AKAP13: variants seen among roughly 807,000 people sequenced by gnomAD.
AKAP13 encodes the protein A-kinase anchor protein 13.
A neutral mutation model predicts 264.5 loss-of-function variants in AKAP13; 80 were observed. The observed-to-expected ratio is 0.30, with a 90% CI of 0.25 to 0.36. AKAP13 has a LOEUF of 0.36. AKAP13 is among the 10% of genes least tolerant of loss of function. The probability of loss-of-function intolerance (pLI) is 1.00; values close to 1 mark genes in which losing one functional copy is unlikely to be tolerated. For missense variants in AKAP13, 3,712 were observed against 3,435.2 expected, an observed-to-expected ratio of 1.08 and a Z score of -2.01; for synonymous variants, 1,380 against 1,250.2, an observed-to-expected ratio of 1.10 and a Z score of -2.19.
At chr15:85,686,340 A>G (rs1043502066) in intron 16 of AKAP13, among the ~76,000 whole-genome samples, 13 of 152,222 alleles carry the variant, frequency 8.5e-5, no homozygotes, top group African/African-American at 3.1e-4. Flanking sequence ...AACAAGGTGC[A>G]CTAAGCTTCT....
At chr15:85,619,570 A>G (rs2081084023) in intron 8 of AKAP13, 1 of 985,460 alleles carries the variant, frequency 1.0e-6, no homozygotes, top group Non-Finnish European at 1.2e-6. Context: ...AAGCAAGAAC[A>G]GAATCTAATG....
chr15:85,494,803 A>G (rs1191871277), intron 2 of AKAP13, among the ~76,000 whole-genome samples: 6 of 152,214 alleles, frequency 3.9e-5, no homozygotes, highest in South Asian at 2.1e-4. Flanking sequence ...TTTGAATTTA[A>G]TACTCAAAGT....
intron 8 of AKAP13, chr15:85,619,839 C>A (rs1185229771): frequency 1.5e-6 from 2 of 1,338,650 alleles, no homozygotes; most frequent in Admixed American, 6.6e-5. Flanking sequence ...ATTATGAGTT[C>A]TACATTCATC....
chr15:85,506,397 C>A (rs553189607), intron 2 of AKAP13, among the ~76,000 whole-genome samples: 1 of 152,134 alleles, frequency 6.6e-6, no homozygotes, highest in South Asian at 2.1e-4. Context: ...TACCTTTAGG[C>A]AATGATGTAG....
At chr15:85,392,147 TC>T (rs1040626104) in intron 1 of AKAP13, among the ~76,000 whole-genome samples, 4 of 151,968 alleles carry the variant, frequency 2.6e-5, no homozygotes, top group Non-Finnish European at 5.9e-5. Context: ...TTGGTGAGTT[TC>T]TAGGGTAGTG....
chr15:85,548,041 A>C (rs1324757535), intron 5 of AKAP13, among the ~76,000 whole-genome samples: 1 of 152,208 alleles, frequency 6.6e-6, no homozygotes, highest in South Asian at 2.1e-4. Flanking sequence ...TAGTTATCTA[A>C]GAAGAAAATA....
chr15:85,600,318 T>TAA lies in AKAP13; in HGVS notation c.4161+14513_4161+14514dup, dbSNP rs5814205. On this transcript the variant is annotated intron_variant, in intron 8 of 36. Coordinates refer to ENST00000394518, the MANE Select transcript of AKAP13 (RefSeq NM_007200.5). ...GGGGAAGATGGGAATAGCTTAGATT[T>TAA]AAAAAAAAAAAAAAAAAAAGGCTAG... Among the ~76,000 whole-genome samples, 774 of 134,264 alleles carry TAA rather than the reference T, an allele frequency of 5.8e-3. 10 individuals carry two copies. The highest frequency in any genetic ancestry group is 0.02 in the African/African-American group (724 of 35,838). The allele number at this position is 134,264 out of a possible 152,430, so 88.1% of individuals were successfully genotyped here.
At chr15:85,717,680 G>C (rs552056695) in intron 21 of AKAP13, among the ~76,000 whole-genome samples, 2 of 152,300 alleles carry the variant, frequency 1.3e-5, no homozygotes, top group Non-Finnish European at 2.9e-5. Flanking sequence ...TACAGTTCTA[G>C]CTCACAGAGC....
chr15:85,475,163 C>T (rs967259507), intron 1 of AKAP13, among the ~76,000 whole-genome samples: 5 of 152,064 alleles, frequency 3.3e-5, no homozygotes, highest in East Asian at 1.9e-4. Flanking sequence ...GTCTCTTTGC[C>T]GGATATCTAT....
chr15:85,459,735 G>A (rs2074433690), intron 1 of AKAP13, among the ~76,000 whole-genome samples: 1 of 152,076 alleles, frequency 6.6e-6, no homozygotes, highest in South Asian at 2.1e-4. Context: ...TCCTGACCTT[G>A]TGATCCGCCT....
At chr15:85,683,281 C>T (rs2084703785) in intron 15 of AKAP13, among the ~76,000 whole-genome samples, 1 of 152,228 alleles carries the variant, frequency 6.6e-6, no homozygotes, top group Non-Finnish European at 1.5e-5. Flanking sequence ...AATAAACTGA[C>T]TGTTGACAGG....
At chr15:85,693,580 T>G (rs1446568781) in intron 17 of AKAP13, 129 bp downstream of exon 17, 2 of 1,433,064 alleles carry the variant, frequency 1.4e-6, no homozygotes, top group Non-Finnish European at 1.8e-6. Flanking sequence ...TTTATATCTT[T>G]CTTTAGACAT....
At chr15:85,526,138 A>G (rs1186038904) in intron 3 of AKAP13, among the ~76,000 whole-genome samples, 1 of 152,216 alleles carries the variant, frequency 6.6e-6, no homozygotes, top group African/African-American at 2.4e-5. Flanking sequence ...TTTGTCATTA[A>G]AAAAGAATAA....
At chr15:85,498,483 A>G (rs981020048) in intron 2 of AKAP13, among the ~76,000 whole-genome samples, 7 of 151,948 alleles carry the variant, frequency 4.6e-5, no homozygotes, top group Non-Finnish European at 4.4e-5. Flanking sequence ...ATGAACGAAC[A>G]TAGCTAGGAA....
intron 8 of AKAP13, among the ~76,000 whole-genome samples, chr15:85,620,397 T>C (rs758175887): frequency 6.6e-6 from 1 of 152,210 alleles, no homozygotes; most frequent in Non-Finnish European, 1.5e-5. Context: ...AATGTAATTT[T>C]ACTTTCATTA....
intron 33 of AKAP13, among the ~76,000 whole-genome samples, chr15:85,738,577 T>C (rs1267487013): frequency 6.6e-6 from 1 of 151,900 alleles, no homozygotes; most frequent in Non-Finnish European, 1.5e-5. Context: ...GTTAAATGTT[T>C]GGTGTTTTCC....
At chr15:85,399,516 AAAAAAAT>A (rs2071299447) in intron 1 of AKAP13, among the ~76,000 whole-genome samples, 5 of 135,306 alleles carry the variant, frequency 3.7e-5, no homozygotes, top group East Asian at 2.0e-4. Flanking sequence ...AAAAAAAAAA[AAAAAAAT>A]AAAAAAATAA....
intron 30 of AKAP13, 145 bp from the exon 31 acceptor site, chr15:85,734,847 A>C: frequency 2.8e-6 from 3 of 1,075,026 alleles, no homozygotes; most frequent in Non-Finnish European, 4.0e-6. Context: ...CCCTGAGCTG[A>C]GACCCTTCTC....
intron 1 of AKAP13, among the ~76,000 whole-genome samples, chr15:85,464,987 C>G (rs2151008969): frequency 6.6e-6 from 1 of 152,296 alleles, no homozygotes; most frequent in South Asian, 2.1e-4. Flanking sequence ...GTCGCCCAGG[C>G]TGGAGTGCAG....
Sources: gnomAD v4.1 joint callset for allele counts (sites outside exome capture counted in the v4.1 genomes callset) on GRCh38, gnomAD v4.1.1 for gene constraint, MANE v1.5 for transcripts, NCBI Gene and HGNC (gene_info 2026-07-23, HGNC 2026-07-21) for gene names.